TENT5D: variants seen among roughly 807,000 people sequenced by gnomAD.
The protein encoded by TENT5D is terminal nucleotidyltransferase 5D, also known as cancer/testis antigen 112.
For missense variants in TENT5D, 191 were observed against 287.0 expected (o/e 0.67, Z 2.42); for synonymous variants, 103 against 100.6 (o/e 1.02, Z -0.15).
At chrX:80,396,908 C>T (rs1444062341) in intron 3 of TENT5D, among the ~76,000 whole-genome samples, 2 of 82,225 alleles carry the variant, frequency 2.4e-5, no homozygotes, top group Non-Finnish European at 2.4e-5. Context: ...GGGGGCTGAC[C>T]CCCCCACCTC....
chrX:80,336,526 C>G (rs1569352935), intron 2 of TENT5D, among the ~76,000 whole-genome samples: 1 of 109,445 alleles, frequency 9.1e-6, no homozygotes, highest in Non-Finnish European at 1.9e-5. Context: ...GATTTCATCA[C>G]TGTTTGATCA....
chrX:80,391,455 T>C (rs188566962), intron 3 of TENT5D, among the ~76,000 whole-genome samples: 1 of 112,469 alleles, frequency 8.9e-6, no homozygotes, highest in East Asian at 2.8e-4. Flanking sequence ...TTCTGAATTA[T>C]GGCATAATAT....
chrX:80,374,045 C>A (rs911848924), intron 3 of TENT5D, among the ~76,000 whole-genome samples: 1 of 110,991 alleles, frequency 9.0e-6, no homozygotes, highest in African/African-American at 3.3e-5. Context: ...CCCTATGTGT[C>A]CATTTGTTCT....
intron 3 of TENT5D, among the ~76,000 whole-genome samples, chrX:80,406,911 A>G (rs1341636237): frequency 2.0e-5 from 2 of 102,511 alleles, no homozygotes; most frequent in Non-Finnish European, 4.0e-5. Flanking sequence ...CTTGGCAGAA[A>G]CCCTACAAGC....
chrX:80,406,189 G>C (rs1485008090), intron 3 of TENT5D, among the ~76,000 whole-genome samples: 1 of 112,177 alleles, frequency 8.9e-6, no homozygotes, highest in East Asian at 2.8e-4. Flanking sequence ...AAAACGCAGA[G>C]CACCTCTCCT....
chrX:80,397,281 C>T (rs1931289287), intron 3 of TENT5D, among the ~76,000 whole-genome samples: 1 of 108,701 alleles, frequency 9.2e-6, no homozygotes, highest in Non-Finnish European at 1.9e-5. Flanking sequence ...GCGCTCCTCA[C>T]ATCCCAGACG....
chrX:80,354,720 T>C (rs776844073), intron 3 of TENT5D, among the ~76,000 whole-genome samples: 3 of 112,155 alleles, frequency 2.7e-5, no homozygotes, highest in Non-Finnish European at 3.8e-5. Flanking sequence ...GCTGGGGAGC[T>C]ACTGCATTCG....
At chrX:80,363,171 T>A (rs886095499) in intron 3 of TENT5D, among the ~76,000 whole-genome samples, 4 of 112,000 alleles carry the variant, frequency 3.6e-5, no homozygotes, top group African/African-American at 1.3e-4. Context: ...CTTTTCTGTG[T>A]CATTGGCAAG....
chrX:80,358,348 C>G (rs1298467932), intron 3 of TENT5D, among the ~76,000 whole-genome samples: 3 of 111,347 alleles, frequency 2.7e-5, no homozygotes, highest in African/African-American at 9.8e-5. Flanking sequence ...TTCTGCACAG[C>G]AAAAGAAACT....
intron 3 of TENT5D, among the ~76,000 whole-genome samples, chrX:80,408,912 G>C (rs1348586425): frequency 9.1e-6 from 1 of 110,260 alleles, no homozygotes; most frequent in African/African-American, 3.3e-5. Flanking sequence ...GATCAAGTGG[G>C]CTTCATCCCT....
At chrX:80,337,839 G>A (rs1176826964) in intron 2 of TENT5D, among the ~76,000 whole-genome samples, 6 of 109,777 alleles carry the variant, frequency 5.5e-5, no homozygotes, top group East Asian at 5.7e-4. Context: ...ATCTTGGCTC[G>A]CTGCAACTTC....
At chrX:80,435,132 C>T (rs907133990) in intron 1 of TENT5D, among the ~76,000 whole-genome samples, 1 of 111,616 alleles carries the variant, frequency 9.0e-6, no homozygotes, top group Non-Finnish European at 1.9e-5. Context: ...ACAGTGTTAA[C>T]ATCCACAATG....
chrX:80,385,934 A>G (rs1930989438), intron 3 of TENT5D, among the ~76,000 whole-genome samples: 1 of 112,155 alleles, frequency 8.9e-6, no homozygotes, highest in African/African-American at 3.2e-5. Flanking sequence ...CAGGTGCTGG[A>G]GAGGATGTGG....
intron 3 of TENT5D, among the ~76,000 whole-genome samples, chrX:80,375,811 C>A (rs139196427): frequency 2.1e-3 from 236 of 111,707 alleles, no homozygotes; most frequent in African/African-American, 6.4e-3. Flanking sequence ...ATCTAGCCTA[C>A]AGAGTTCTGA....
intron 2 of TENT5D, among the ~76,000 whole-genome samples, chrX:80,340,222 GA>G (rs920400551): frequency 1.8e-5 from 2 of 109,494 alleles, no homozygotes; most frequent in African/African-American, 6.6e-5. Context: ...AGAGCTGTTT[GA>G]AAAAAAACTC....
intron 3 of TENT5D, among the ~76,000 whole-genome samples, chrX:80,378,180 G>C (rs1234235760): frequency 8.9e-6 from 1 of 111,864 alleles, no homozygotes; most frequent in Non-Finnish European, 1.9e-5. Context: ...CTCCCATTTT[G>C]TAGGTTGCCT....
At chrX:80,438,503 T>C (rs1383648763) in intron 1 of TENT5D, 107 bp from the exon 2 acceptor site, 1 of 109,736 alleles carries the variant, frequency 9.1e-6, no homozygotes, top group Admixed American at 9.7e-5. Context: ...TATGTATGTA[T>C]GTATGTATGT....
intron 3 of TENT5D, among the ~76,000 whole-genome samples, chrX:80,415,179 A>G (rs1468619006): frequency 1.8e-5 from 2 of 112,058 alleles, no homozygotes; most frequent in African/African-American, 6.5e-5. Flanking sequence ...TATCAGATCA[A>G]GAATCTTTTG....
chrX:80,342,483 A>G (rs1008919594), intron 2 of TENT5D: 1 of 112,429 alleles, frequency 8.9e-6, no homozygotes, highest in Admixed American at 9.4e-5. Context: ...ATAACTTTCT[A>G]TTTCTTTTTT....
Sources: gnomAD v4.1 joint callset for allele counts (sites outside exome capture counted in the v4.1 genomes callset) on GRCh38, gnomAD v4.1.1 for gene constraint, MANE v1.5 for transcripts, NCBI Gene and HGNC (gene_info 2026-07-23, HGNC 2026-07-21) for gene names.